Variants in CADPS observed in about 807,000 individuals in gnomAD.
CADPS encodes calcium-dependent secretion activator 1.
Under a neutral mutation model 167.3 loss-of-function variants are expected in CADPS, and 57 were observed. The ratio of observed to expected loss-of-function variants is 0.34; its 90% confidence interval spans 0.28 to 0.42. The LOEUF is 0.42. Ranked by LOEUF, CADPS falls within the 20% of genes least tolerant of loss-of-function variation. The probability of loss-of-function intolerance (pLI) is 1.00; values close to 1 mark genes in which losing one functional copy is unlikely to be tolerated. For missense variants in CADPS, 1,414 were observed against 1,738.1 expected, an observed-to-expected ratio of 0.81 and a Z score of 3.32; for synonymous variants, 676 against 635.3, an observed-to-expected ratio of 1.06 and a Z score of -0.96.
intron 9 of CADPS, among the ~76,000 whole-genome samples, chr3:62,570,591 C>T (rs1307548513): frequency 1.3e-5 from 2 of 152,138 alleles, no homozygotes; most frequent in Non-Finnish European, 2.9e-5. Context: ...ACTTATCTCA[C>T]ATACTACTGT....
chr3:62,754,557 C>T (rs747147811), intron 2 of CADPS, among the ~76,000 whole-genome samples: 4 of 152,134 alleles, frequency 2.6e-5, no homozygotes, highest in Admixed American at 6.5e-5. Flanking sequence ...GTAGTGATCA[C>T]GATGCACTGC....
intron 5 of CADPS, among the ~76,000 whole-genome samples, chr3:62,650,190 A>G (rs922278710): frequency 3.3e-5 from 5 of 152,104 alleles, no homozygotes; most frequent in African/African-American, 1.2e-4. Flanking sequence ...TTATATTCCC[A>G]TCCCCTCGAG....
intron 2 of CADPS, among the ~76,000 whole-genome samples, chr3:62,759,390 GAT>G (rs1309609692): frequency 1.3e-5 from 2 of 152,064 alleles, no homozygotes; most frequent in African/African-American, 2.4e-5. Context: ...CATGAAAAAA[GAT>G]ATATATTTTT....
chr3:62,658,913 A>C (rs1209309685), intron 4 of CADPS, among the ~76,000 whole-genome samples: 2 of 152,162 alleles, frequency 1.3e-5, no homozygotes, highest in African/African-American at 4.8e-5. Context: ...TGACACATGG[A>C]GATGGGAGAT....
intron 3 of CADPS, among the ~76,000 whole-genome samples, chr3:62,726,828 A>G (rs1198784694): frequency 6.6e-6 from 1 of 151,928 alleles, no homozygotes; most frequent in Non-Finnish European, 1.5e-5. Flanking sequence ...AAAACTTTCC[A>G]CAACAGAGTC....
chr3:62,615,707 C>G (rs1398711819), intron 6 of CADPS, among the ~76,000 whole-genome samples: 1 of 152,028 alleles, frequency 6.6e-6, no homozygotes, highest in Non-Finnish European at 1.5e-5. Flanking sequence ...GTCAACCACA[C>G]CCCCAATACA....
intron 1 of CADPS, among the ~76,000 whole-genome samples, chr3:62,806,313 AAACCAGGGCATTC>A: frequency 1.3e-5 from 2 of 151,312 alleles, no homozygotes; most frequent in Non-Finnish European, 2.9e-5. Flanking sequence ...CATCTACTTT[AAACCAGGGCATTC>A]AGCCTGGGCA....
intron 29 of CADPS, among the ~76,000 whole-genome samples, chr3:62,402,782 C>T (rs1458990834): frequency 6.6e-6 from 1 of 152,150 alleles, no homozygotes; most frequent in Admixed American, 6.5e-5. Flanking sequence ...ACACCAAAAG[C>T]CAGTTTTTGA....
At position 62,465,248 on chromosome 3, in the gene CADPS, G is replaced by A; in HGVS notation, c.3636+119C>T. The A allele has an allele frequency of 1.5e-6, 1 of 655,656 alleles. No homozygotes were observed. Among genetic ancestry groups the A allele is most frequent in the Non-Finnish European group, 2.7e-6 (1 of 369,046 alleles). 40.6% of individuals were successfully genotyped at this position (655,656 alleles called of 1,614,324 possible). A position where few individuals can be genotyped will look rare whatever the true frequency, so the allele number is the denominator to read the frequency against. On this transcript the variant is annotated intron_variant, in intron 26 of 29. Coordinates refer to ENST00000383710, the MANE Select transcript of CADPS (RefSeq NM_003716.4). This position sits in a 1 kb window ranked among gnomAD's most constrained non-coding sequence, Gnocchi z 4.1. Reference sequence around the variant, plus strand: ...CACATAGTGTTAATATTATACAATAGTTGACTATAATTAACACACACACCC... The same window carrying A: ...CACATAGTGTTAATATTATACAATAATTGACTATAATTAACACACACACCC...
chr3:62,467,234 C>A, intron 24 of CADPS: 1 of 791,600 alleles, frequency 1.3e-6, no homozygotes, highest in Non-Finnish European at 1.7e-6. Context: ...TGAATTATCC[C>A]ATATTTCCCT....
At chr3:62,791,753 T>G (rs1477514630) in intron 1 of CADPS, among the ~76,000 whole-genome samples, 2 of 152,220 alleles carry the variant, frequency 1.3e-5, no homozygotes, top group Non-Finnish European at 2.9e-5. Context: ...GGCAGATAAT[T>G]ACCTTTCAAA....
At chr3:62,588,917 T>TA (rs1457095388) in intron 7 of CADPS, among the ~76,000 whole-genome samples, 1 of 152,188 alleles carries the variant, frequency 6.6e-6, no homozygotes, top group East Asian at 1.9e-4. Context: ...TGTGCTTATA[T>TA]ACGCTATGTT....
chr3:62,476,205 T>G (rs1019323747), intron 23 of CADPS, among the ~76,000 whole-genome samples: 2 of 152,168 alleles, frequency 1.3e-5, no homozygotes, highest in Middle Eastern at 3.2e-3. Context: ...CATGGCATAT[T>G]TATACCTATG....
chr3:62,867,050 A>G (rs1234718889), intron 1 of CADPS, among the ~76,000 whole-genome samples: 1 of 152,060 alleles, frequency 6.6e-6, no homozygotes, highest in Non-Finnish European at 1.5e-5. Flanking sequence ...ACATATATAT[A>G]TATGCTTAGA....
chr3:62,590,482 C>T (rs538991727), intron 7 of CADPS, among the ~76,000 whole-genome samples: 2 of 152,328 alleles, frequency 1.3e-5, no homozygotes, highest in African/African-American at 2.4e-5. Context: ...TTTCTTTCAT[C>T]ATCCCCTTTC....
chr3:62,855,855 TATG>T (rs2079575096), intron 1 of CADPS, among the ~76,000 whole-genome samples: 1 of 152,164 alleles, frequency 6.6e-6, no homozygotes, highest in Non-Finnish European at 1.5e-5. Context: ...TAAGGGGCAA[TATG>T]ATAAAAAACT....
At chr3:62,559,952 T>C (rs1222084883) in intron 9 of CADPS, among the ~76,000 whole-genome samples, 1 of 152,088 alleles carries the variant, frequency 6.6e-6, no homozygotes, top group Non-Finnish European at 1.5e-5. Flanking sequence ...CATTTACTAT[T>C]ACTACATGGT....
chr3:62,691,766 G>C (rs2079162855), intron 3 of CADPS, among the ~76,000 whole-genome samples: 1 of 152,094 alleles, frequency 6.6e-6, no homozygotes, highest in East Asian at 1.9e-4. Flanking sequence ...AACACACACT[G>C]GGGCCTGTCG....
At chr3:62,799,337 G>T (rs1160118246) in intron 1 of CADPS, among the ~76,000 whole-genome samples, 2 of 152,146 alleles carry the variant, frequency 1.3e-5, no homozygotes, top group Non-Finnish European at 2.9e-5. Context: ...CTGTTGGTGT[G>T]CTCTAACTCT....
Sources: gnomAD v4.1 joint callset for allele counts (sites outside exome capture counted in the v4.1 genomes callset) on GRCh38, gnomAD v4.1.1 for gene constraint, Gnocchi (gnomAD v3.1) non-coding constraint, MANE v1.5 for transcripts, NCBI Gene and HGNC (gene_info 2026-07-23, HGNC 2026-07-21) for gene names.